TMEM108: variants seen among roughly 807,000 people sequenced by gnomAD.
TMEM108 encodes the protein cancer/testis antigen 124.
Under a neutral mutation model 35.1 loss-of-function variants are expected in TMEM108, and 12 were observed. The ratio of observed to expected loss-of-function variants is 0.34; its 90% CI spans 0.22 to 0.55. The LOEUF (loss-of-function observed/expected upper bound fraction) is 0.55. Ranked by LOEUF, TMEM108 falls within the 20% of genes least tolerant of loss-of-function variation. The pLI, the probability that TMEM108 is intolerant of heterozygous loss-of-function variation, is 0.89. For missense variants in TMEM108, 680 were observed against 753.3 expected (o/e 0.90, Z 1.14); for synonymous variants, 287 against 308.6 (o/e 0.93, Z 0.73).
intron 1 of TMEM108, among the ~76,000 whole-genome samples, chr3:133,040,268 A>T (rs985865259): frequency 2.1e-5 from 3 of 144,616 alleles, no homozygotes; most frequent in African/African-American, 7.8e-5. Flanking sequence ...CAGTGGTGCG[A>T]TCTCGGCTCA....
At chr3:133,281,436 G>A (rs901794324) in intron 3 of TMEM108, among the ~76,000 whole-genome samples, 6 of 152,238 alleles carry the variant, frequency 3.9e-5, no homozygotes, top group African/African-American at 1.4e-4. Flanking sequence ...TCAGATAAAA[G>A]TTAACCTTTG....
chr3:133,212,729 TGTG>T (rs1945849927), intron 2 of TMEM108, among the ~76,000 whole-genome samples: 1 of 151,286 alleles, frequency 6.6e-6, no homozygotes, highest in African/African-American at 2.4e-5. Context: ...AGTCAGATAT[TGTG>T]GTGCATGCCT....
At chr3:133,159,343 T>C (rs1402516399) in intron 2 of TMEM108, among the ~76,000 whole-genome samples, 1 of 152,224 alleles carries the variant, frequency 6.6e-6, no homozygotes, top group African/African-American at 2.4e-5. Flanking sequence ...TTAGCTGTTT[T>C]AAAACATTAA....
At chr3:133,169,706 C>G (rs1307772205) in intron 2 of TMEM108, among the ~76,000 whole-genome samples, 1 of 152,192 alleles carries the variant, frequency 6.6e-6, no homozygotes, top group Non-Finnish European at 1.5e-5. Flanking sequence ...GTAGCCTTCC[C>G]TCCATCTTGG....
rs201061272 is a variant in TMEM108, at chr3:133,379,702, G to A, written c.41-50G>A. The A allele has an allele frequency of 1.8e-5, 29 of 1,568,760 alleles. No homozygotes were observed. In the African/African-American group the frequency reaches 2.4e-4, roughly 13 times the overall value. ...GCCACAGGTAAGAAAGGCCCAGGCT[G>A]TATGCTGCTCCCCAAGTATTTTACC... is the stretch of plus-strand genomic sequence containing the variant. On this transcript the variant is annotated intron_variant, in intron 3 of 5. Transcript: ENST00000321871.
At chr3:133,392,130 C>A (rs1288468419) in intron 5 of TMEM108, among the ~76,000 whole-genome samples, 2 of 151,752 alleles carry the variant, frequency 1.3e-5, no homozygotes, top group Non-Finnish European at 2.9e-5. Flanking sequence ...GTCCTGCCAC[C>A]ACTTCTCTTC....
At chr3:133,174,209 C>T (rs1050389202) in intron 2 of TMEM108, among the ~76,000 whole-genome samples, 2 of 152,244 alleles carry the variant, frequency 1.3e-5, no homozygotes, top group South Asian at 2.1e-4. Flanking sequence ...CCCACCTCAG[C>T]TCAAGGAGGC....
At chr3:133,170,867 G>A (rs1253551597) in intron 2 of TMEM108, among the ~76,000 whole-genome samples, 2 of 152,140 alleles carry the variant, frequency 1.3e-5, no homozygotes, top group South Asian at 4.1e-4. Flanking sequence ...TATCTTAGGT[G>A]TGGTCAGTTT....
At chr3:133,075,615 T>C (rs1461215475) in intron 2 of TMEM108, among the ~76,000 whole-genome samples, 2 of 152,214 alleles carry the variant, frequency 1.3e-5, no homozygotes, top group Non-Finnish European at 1.5e-5. Flanking sequence ...CCCGTGGCTT[T>C]TCCTTCTCTG....
intron 2 of TMEM108, among the ~76,000 whole-genome samples, chr3:133,064,768 A>G (rs925378017): frequency 6.6e-6 from 1 of 151,850 alleles, no homozygotes; most frequent in African/African-American, 2.4e-5. Flanking sequence ...GGTAGATTGA[A>G]GTAGGGGAAG....
At chr3:133,369,853 G>T (rs1009621050) in intron 3 of TMEM108, among the ~76,000 whole-genome samples, 1 of 152,318 alleles carries the variant, frequency 6.6e-6, no homozygotes, top group South Asian at 2.1e-4. Flanking sequence ...TGCTGGGAAA[G>T]ATGCCTACAA....
intron 2 of TMEM108, among the ~76,000 whole-genome samples, chr3:133,142,033 C>T (rs58667591): frequency 0.01 from 1,569 of 152,238 alleles, 32 homozygotes; most frequent in African/African-American, 0.036. Flanking sequence ...TCTCTAGTCT[C>T]AACCCACCAG....
chr3:133,086,283 A>G (rs777493011), intron 2 of TMEM108, among the ~76,000 whole-genome samples: 1 of 151,002 alleles, frequency 6.6e-6, no homozygotes, highest in Admixed American at 6.6e-5. Flanking sequence ...TTCTTACTTA[A>G]TCTCTCGAGC....
chr3:133,395,333 A>T (rs1477051069), intron 5 of TMEM108, among the ~76,000 whole-genome samples: 2 of 152,220 alleles, frequency 1.3e-5, no homozygotes, highest in Non-Finnish European at 2.9e-5. Flanking sequence ...TGGCCCTTGA[A>T]GCCTCTTGAC....
intron 2 of TMEM108, among the ~76,000 whole-genome samples, chr3:133,197,032 A>G (rs1945588543): frequency 6.6e-6 from 1 of 152,222 alleles, no homozygotes; most frequent in African/African-American, 2.4e-5. Context: ...TGTATTAGTA[A>G]TGTCTTCTAT....
chr3:133,372,294 G>T (rs537224289), intron 3 of TMEM108, among the ~76,000 whole-genome samples: 35 of 152,202 alleles, frequency 2.3e-4, no homozygotes, highest in African/African-American at 8.4e-4. Context: ...GAGAAACCTG[G>T]GTTTAAATCC....
intron 3 of TMEM108, among the ~76,000 whole-genome samples, chr3:133,372,083 G>A (rs1444522217): frequency 6.6e-6 from 1 of 152,158 alleles, no homozygotes; most frequent in African/African-American, 2.4e-5. Context: ...AATGACTAAG[G>A]CAAAAAAGCT....
At chr3:133,370,871 A>AGTGTGTGTGTGTGT (rs71624013) in intron 3 of TMEM108, among the ~76,000 whole-genome samples, 1,939 of 125,480 alleles carry the variant, frequency 0.015, 54 homozygotes, top group East Asian at 0.034. Flanking sequence ...CCCAGCCCAT[A>AGTGTGTGTGTGTGT]GTGTGTGTGT....
rs75707865 is a variant in TMEM108 at position 133,232,731 on chromosome 3, C to T, written c.40+3380C>T. Reference sequence around the variant, plus strand: ...GTTTACTTTTGTTACAACTGACTATCTCTGCCTTTGTTTTTATTTCCTGAG... The same window carrying T: ...GTTTACTTTTGTTACAACTGACTATTTCTGCCTTTGTTTTTATTTCCTGAG... On this transcript the variant is annotated intron_variant, in intron 3 of 5. Transcript: ENST00000321871. 7.8e-3 allele frequency among the ~76,000 whole-genome samples: 1,191 copies of T among 152,342 alleles called. 19 individuals are homozygous for T. The highest frequency in any genetic ancestry group is 0.027 in the African/African-American group (1,107 of 41,574).
Sources: gnomAD v4.1 joint callset for allele counts (sites outside exome capture counted in the v4.1 genomes callset) on GRCh38, gnomAD v4.1.1 for gene constraint, MANE v1.5 for transcripts, NCBI Gene and HGNC (gene_info 2026-07-23, HGNC 2026-07-21) for gene names.